The following SORCS2 variants were observed in gnomAD, a reference collection of about 807,000 sequenced individuals.
SORCS2 encodes the protein sortilin related VPS10 domain containing receptor 2.
SORCS2 carries 100 observed loss-of-function variants against 141.6 expected under a neutral mutation model. The ratio of observed to expected loss-of-function variants is 0.71; its 90% CI spans 0.60 to 0.83. SORCS2 has a LOEUF of 0.83. SORCS2 is among the 40% of genes least tolerant of loss of function. SORCS2 has a pLI of 0.00. For missense variants in SORCS2, 1,646 were observed against 1,560.2 expected (o/e 1.05, Z -0.93); for synonymous variants, 789 against 676.9 (o/e 1.17, Z -2.57).
chr4:7,691,709 A>C lies in SORCS2; in HGVS notation c.1591+2121A>C, dbSNP rs545382384. On this transcript the variant is annotated intron_variant, in intron 11 of 26. Coordinates refer to ENST00000507866, the MANE Select transcript of SORCS2 (RefSeq NM_020777.3). ...CAGACAGGCTCACCACCCACGTTAG[A>C]CACCCCCAATCCTGTACACTTGGTT... 6.3e-4 allele frequency among the ~76,000 whole-genome samples: 96 copies of C among 152,094 alleles called. No individual in the cohort carries two copies. The Middle Eastern group carries it at 0.01, about 16-fold the overall frequency.
chr4:7,539,627 C>T (rs561002457), intron 3 of SORCS2, among the ~76,000 whole-genome samples: 7 of 152,230 alleles, frequency 4.6e-5, no homozygotes, highest in Non-Finnish European at 1.5e-5. Context: ...CTTCCCTCCA[C>T]TCTGAACCCC....
chr4:7,317,801 G>T (rs1201559085), intron 1 of SORCS2, among the ~76,000 whole-genome samples: 2 of 152,192 alleles, frequency 1.3e-5, no homozygotes, highest in African/African-American at 4.8e-5. Context: ...GCTTCCGACA[G>T]TCACAGGCCA....
chr4:7,714,172 C>G, intron 15 of SORCS2, 68 bp from the exon 16 acceptor site: 4 of 1,533,176 alleles, frequency 2.6e-6, no homozygotes, highest in Non-Finnish European at 3.5e-6. Flanking sequence ...GCAGCCTCAG[C>G]GGCACAAGGC....
At chr4:7,319,255 C>T (rs374492855) in intron 1 of SORCS2, among the ~76,000 whole-genome samples, 2 of 151,950 alleles carry the variant, frequency 1.3e-5, no homozygotes, top group East Asian at 3.9e-4. Flanking sequence ...TAATATTATG[C>T]CTGGAAATGG....
At chr4:7,496,932 T>A (rs6818189) in intron 2 of SORCS2, among the ~76,000 whole-genome samples, 1 of 152,060 alleles carries the variant, frequency 6.6e-6, no homozygotes, top group Admixed American at 6.5e-5. Context: ...CCAGTGCCCG[T>A]GCAGAGGTTT....
chr4:7,226,621 C>T (rs2108769231), intron 1 of SORCS2, among the ~76,000 whole-genome samples: 1 of 152,300 alleles, frequency 6.6e-6, no homozygotes. Context: ...TCCCCCGAGG[C>T]CACTAATCCA....
rs1406135389 is a variant in SORCS2, at chr4:7,201,561, T to C, written c.480+8435T>C. ...GCTAAGACTTGTGCAGATGATTCGATGGAGAGCAGACTGGAGTGACGGGCG... is the reference window on the plus strand; with the variant it reads ...GCTAAGACTTGTGCAGATGATTCGACGGAGAGCAGACTGGAGTGACGGGCG... On this transcript the variant is annotated intron_variant, in intron 1 of 26. Coordinates refer to ENST00000507866, the MANE Select transcript of SORCS2 (RefSeq NM_020777.3). The surrounding 1 kb of genome is among the most constrained non-coding windows in gnomAD (Gnocchi z 4.4). Among the ~76,000 whole-genome samples the C allele has an allele frequency of 6.6e-6, 1 of 152,182 alleles. No homozygotes were observed. Among genetic ancestry groups the C allele is most frequent in the Admixed American group, 6.5e-5 (1 of 15,276 alleles).
Position 7,740,596 on chromosome 4 carries a change from G to A in SORCS2, c.*332G>A, listed in dbSNP as rs543924687. The A allele has an allele frequency of 9.0e-5, 35 of 390,436 alleles. No individual in the cohort carries two copies. The highest frequency in any genetic ancestry group is 5.4e-4 in the African/African-American group (27 of 50,452). The allele number at this position is 390,436 out of a possible 1,614,324, so 24.2% of individuals were successfully genotyped here. A position where few individuals can be genotyped will look rare whatever the true frequency, so the allele number is the denominator to read the frequency against. On this transcript the variant is annotated 3_prime_UTR_variant, in exon 27 of 27. Coordinates refer to ENST00000507866, the MANE Select transcript of SORCS2 (RefSeq NM_020777.3). ...TGACTTCTCTGGGCTGAGGCTGGTC[G>A]TCCTGGAGCCCTCCCAGTACCTCGG...
At chr4:7,263,033 C>T (rs889269345) in intron 1 of SORCS2, among the ~76,000 whole-genome samples, 8 of 152,106 alleles carry the variant, frequency 5.3e-5, no homozygotes, top group African/African-American at 1.7e-4. Flanking sequence ...TTCTGCTTCC[C>T]GACTGCTGCA....
chr4:7,575,903 T>C (rs150231218), intron 3 of SORCS2, among the ~76,000 whole-genome samples: 1 of 152,262 alleles, frequency 6.6e-6, no homozygotes, highest in Admixed American at 6.5e-5. Context: ...CTGTTGTTTC[T>C]GTTTCTGTTC....
rs1220863212 is a variant in SORCS2, at chr4:7,725,016, GGTGGTGGTGGTGATGATAGTGGTA to G, written c.2612-118_2612-95del. The G allele has an allele frequency of 1.3e-4, 115 of 904,110 alleles. 1 individual carries two copies. In the East Asian group the frequency reaches 1.6e-3, roughly 13 times the overall value. 56.0% of individuals were successfully genotyped at this position (904,110 alleles called of 1,614,324 possible). ...TGGTAGTAGTGGTGATGGTGGTGGTGGTGGTGGTGGTGATGATAGTGGTAGTGGTGGTGGTGATGATAGCAATGA... is the reference window on the plus strand; with the variant it reads ...TGGTAGTAGTGGTGATGGTGGTGGTGGTGGTGGTGGTGATGATAGCAATGA... On this transcript the variant is annotated intron_variant, in intron 19 of 26. Coordinates refer to ENST00000507866, the MANE Select transcript of SORCS2 (RefSeq NM_020777.3).
intron 1 of SORCS2, among the ~76,000 whole-genome samples, chr4:7,245,519 C>T (rs755181868): frequency 1.1e-4 from 17 of 152,228 alleles, no homozygotes; most frequent in Non-Finnish European, 2.1e-4. Context: ...TTGCTAGTTG[C>T]GTGGCCTCGG....
At chr4:7,302,769 A>ATGTG (rs138338129) in intron 1 of SORCS2, among the ~76,000 whole-genome samples, 26,640 of 145,768 alleles carry the variant, frequency 0.18, 2,825 homozygotes, top group Admixed American at 0.31. Context: ...CAGTCCACAT[A>ATGTG]TGTGTGTGTG....
chr4:7,529,934 C>T (rs538294077), intron 2 of SORCS2, among the ~76,000 whole-genome samples: 1 of 152,190 alleles, frequency 6.6e-6, no homozygotes, highest in Non-Finnish European at 1.5e-5. Context: ...TGGGGAGGGG[C>T]TGGCCCCTGG....
intron 3 of SORCS2, among the ~76,000 whole-genome samples, chr4:7,631,352 G>A (rs1448458831): frequency 1.3e-5 from 2 of 151,718 alleles, no homozygotes; most frequent in African/African-American, 4.8e-5. Flanking sequence ...AGCCAGAGAA[G>A]GGCATCCAGG....
At chr4:7,340,036 G>A (rs182760603) in intron 1 of SORCS2, among the ~76,000 whole-genome samples, 99 of 152,360 alleles carry the variant, frequency 6.5e-4, no homozygotes, top group Middle Eastern at 3.4e-3. Flanking sequence ...AGGAGGCCAC[G>A]TATGAAGGGC....
rs1376942211 is a variant in SORCS2 at position 7,741,227 on chromosome 4, G to A, written c.*963G>A. On this transcript the variant is annotated 3_prime_UTR_variant, in exon 27 of 27. Transcript: ENST00000507866. ...AAGGGAACCGGGTGGAAACCAAGCT[G>A]GGAGAGGCTGAGGATGGCAGGGCTG... The A allele has an allele frequency of 7.5e-6, 3 of 398,754 alleles. No individual in the cohort carries two copies. Among genetic ancestry groups the A allele is most frequent in the African/African-American group, 6.2e-5 (3 of 48,614 alleles). 24.7% of individuals were successfully genotyped at this position (398,754 alleles called of 1,614,324 possible). A position where few individuals can be genotyped will look rare whatever the true frequency, so the allele number is the denominator to read the frequency against.
At chr4:7,426,123 C>T (rs944421473) in intron 2 of SORCS2, among the ~76,000 whole-genome samples, 1 of 152,218 alleles carries the variant, frequency 6.6e-6, no homozygotes, top group Non-Finnish European at 1.5e-5. Context: ...GAAACAGATG[C>T]ACTCACAAGG....
rs563238485 is a variant in SORCS2 at position 7,286,256 on chromosome 4, C to T, written c.480+93130C>T. Among the ~76,000 whole-genome samples the T allele has an allele frequency of 1.8e-4, 27 of 152,098 alleles. No individual in the cohort carries two copies. The highest frequency in any genetic ancestry group is 3.7e-4 in the Non-Finnish European group (25 of 68,010). On this transcript the variant is annotated intron_variant, in intron 1 of 26. Transcript: ENST00000507866. This position sits in a 1 kb window ranked among gnomAD's most constrained non-coding sequence, Gnocchi z 4.1. ...AGTGGGCACAGCCTCATGGTGTCTC[C>T]GTAGAAAGAAGATAGAGGATGTGGG... is the stretch of plus-strand genomic sequence containing the variant.
Sources: gnomAD v4.1 joint callset for allele counts (sites outside exome capture counted in the v4.1 genomes callset) on GRCh38, gnomAD v4.1.1 for gene constraint, Gnocchi (gnomAD v3.1) non-coding constraint, MANE v1.5 for transcripts, NCBI Gene and HGNC (gene_info 2026-07-23, HGNC 2026-07-21) for gene names.